The following SLC13A3 variants were observed in gnomAD, a reference collection of about 807,000 sequenced individuals.
The protein encoded by SLC13A3 is solute carrier family 13 member 3, also known as Na(+)/dicarboxylate cotransporter 3.
In SLC13A3, 40 loss-of-function variants were observed where a neutral mutation model predicts 59.0. The ratio of observed to expected loss-of-function variants is 0.68; its 90% CI spans 0.53 to 0.88. The LOEUF (loss-of-function observed/expected upper bound fraction) is 0.88, where lower values mean the gene tolerates loss of function less well. Among genes scored for constraint, SLC13A3 ranks in the 40% least tolerant of loss-of-function variants. SLC13A3 has a pLI of 0.00. For synonymous variants in SLC13A3, 317 were observed against 330.3 expected, an observed-to-expected ratio of 0.96 and a Z score of 0.44; for missense variants, 699 against 783.2, an observed-to-expected ratio of 0.89 and a Z score of 1.28.
chr20:46,584,454 C>T (rs937959586), intron 8 of SLC13A3: 1 of 985,404 alleles, frequency 1.0e-6, no homozygotes, highest in Non-Finnish European at 1.2e-6. Context: ...ATTGTTCTGG[C>T]TCCAAGTTCA....
chr20:46,591,222 G>C (rs1007257685), intron 6 of SLC13A3, among the ~76,000 whole-genome samples: 4 of 151,906 alleles, frequency 2.6e-5, no homozygotes, highest in South Asian at 2.1e-4. Flanking sequence ...CTGTCACGGA[G>C]GCCAGTCACT....
chr20:46,591,440 C>T (rs1300826068), intron 6 of SLC13A3, among the ~76,000 whole-genome samples: 2 of 151,976 alleles, frequency 1.3e-5, no homozygotes, highest in East Asian at 3.9e-4. Context: ...ATTAAGGTAG[C>T]CATATTAAAA....
In SLC13A3 at chr20:46,589,162, G is replaced by T; in HGVS notation, c.1014C>A (p.Ile338=). 1 of 1,613,390 alleles carries T rather than the reference G, an allele frequency of 6.2e-7. No individual in the cohort carries two copies. Reference sequence around the variant, plus strand: ...TTAACCCAAGGGCCCCCACATACTTGATGGGCCCCAGGTTCTGGTATTCTT... The same window carrying T: ...TTAACCCAAGGGCCCCCACATACTTTATGGGCCCCAGGTTCTGGTATTCTT... ...IREEYQNLGP[I]KFAEQAVFIL... The change falls in exon 7 of 13, where the codon ATC becomes ATA. Residue 338 remains isoleucine, a splice_region_variant and synonymous_variant. Coordinates refer to ENST00000279027, the MANE Select transcript of SLC13A3 (RefSeq NM_022829.6).
chr20:46,587,097 G>A (rs1399908459), intron 8 of SLC13A3, among the ~76,000 whole-genome samples: 4 of 152,048 alleles, frequency 2.6e-5, no homozygotes, highest in African/African-American at 9.7e-5. Flanking sequence ...AAAAAGACAC[G>A]GGCCATCTAG....
chr20:46,563,626 G>GAGAGAGAA (rs2146076726), intron 11 of SLC13A3, 75 bp from the exon 12 acceptor site: 1 of 1,490,308 alleles, frequency 6.7e-7, no homozygotes, highest in African/African-American at 1.4e-5. Context: ...GAGAGAGAGA[G>GAGAGAGAA]AGAGAGGCAG....
At chr20:46,623,189 C>G (rs912825338) in intron 1 of SLC13A3, among the ~76,000 whole-genome samples, 1 of 152,198 alleles carries the variant, frequency 6.6e-6, no homozygotes, top group Non-Finnish European at 1.5e-5. Context: ...TGGTTGAGAA[C>G]AGTGACATGC....
intron 3 of SLC13A3, among the ~76,000 whole-genome samples, chr20:46,609,888 G>A (rs547596366): frequency 1.3e-5 from 2 of 152,166 alleles, no homozygotes; most frequent in East Asian, 1.9e-4. Context: ...TTGGTGTCTG[G>A]GAGCAAAACT....
At chr20:46,665,915 T>A (rs1206706115) in intron 1 of SLC13A3, among the ~76,000 whole-genome samples, 1 of 152,234 alleles carries the variant, frequency 6.6e-6, no homozygotes, top group Non-Finnish European at 1.5e-5. Flanking sequence ...ATTATTTACC[T>A]TTTTTATGAT....
chr20:46,667,378 T>C (rs1305566307), intron 1 of SLC13A3, among the ~76,000 whole-genome samples: 1 of 152,156 alleles, frequency 6.6e-6, no homozygotes, highest in Non-Finnish European at 1.5e-5. Flanking sequence ...AGGGCATATT[T>C]TACCGGTGGG....
chr20:46,597,125 T>A (rs2062320683), intron 4 of SLC13A3, among the ~76,000 whole-genome samples: 1 of 152,178 alleles, frequency 6.6e-6, no homozygotes, highest in Non-Finnish European at 1.5e-5. Flanking sequence ...ATATTTAAAG[T>A]CTAGAAATAT....
intron 1 of SLC13A3, among the ~76,000 whole-genome samples, chr20:46,617,862 A>G (rs1243728833): frequency 6.6e-6 from 1 of 152,170 alleles, no homozygotes; most frequent in East Asian, 1.9e-4. Flanking sequence ...TTAAAAATAT[A>G]CAATTACTTT....
intron 1 of SLC13A3, among the ~76,000 whole-genome samples, chr20:46,676,448 T>C (rs2063126223): frequency 6.8e-6 from 1 of 146,390 alleles, no homozygotes; most frequent in Admixed American, 6.9e-5. Flanking sequence ...AGAGACAAGG[T>C]TTCACCGTGT....
chr20:46,662,037 C>T (rs2063033689), intron 1 of SLC13A3, among the ~76,000 whole-genome samples: 1 of 152,174 alleles, frequency 6.6e-6, no homozygotes, highest in Non-Finnish European at 1.5e-5. Context: ...TACACAGAAG[C>T]TCTCATGTTA....
In SLC13A3 at chr20:46,584,265, CT is replaced by C. The variant is rs578189645; in HGVS notation, c.1122-597del. 352 of 985,480 alleles carry C rather than the reference CT, an allele frequency of 3.6e-4. 3 individuals carry two copies. In the Admixed American group the frequency reaches 0.02, roughly 56 times the overall value. 61.0% of individuals were successfully genotyped at this position (985,480 alleles called of 1,614,324 possible). On this transcript the variant is annotated intron_variant, in intron 8 of 12. Transcript: ENST00000279027. ...TCAGAGGGTCAAAGAGCAGAAACAA[CT>C]TGTTCAAGGGCAGACCCTGAGCAAG... is the stretch of plus-strand genomic sequence containing the variant.
At chr20:46,645,128 C>T (rs2062882075) in intron 1 of SLC13A3, among the ~76,000 whole-genome samples, 1 of 152,168 alleles carries the variant, frequency 6.6e-6, no homozygotes, top group African/African-American at 2.4e-5. Context: ...TTCCTCAGCT[C>T]ACAGCCCCAC....
At chr20:46,606,082 G>A (rs931093040) in intron 3 of SLC13A3, among the ~76,000 whole-genome samples, 4 of 152,308 alleles carry the variant, frequency 2.6e-5, no homozygotes, top group Middle Eastern at 6.8e-3. Context: ...TGTCTTAGGT[G>A]CACAAGACTG....
chr20:46,585,207 A>T (rs2062178780), intron 8 of SLC13A3: 2 of 981,556 alleles, frequency 2.0e-6, no homozygotes, highest in South Asian at 9.4e-5. Context: ...ATTATATTTT[A>T]CAGTCTTTTG....
At chr20:46,681,378 G>A (rs1380239255) in intron 1 of SLC13A3, among the ~76,000 whole-genome samples, 1 of 151,998 alleles carries the variant, frequency 6.6e-6, no homozygotes. Flanking sequence ...AGAGGGGCAT[G>A]GACTTGGGAA....
chr20:46,645,719 C>T (rs189712101), intron 1 of SLC13A3, among the ~76,000 whole-genome samples: 3 of 152,218 alleles, frequency 2.0e-5, no homozygotes, highest in Admixed American at 1.3e-4. Context: ...GAGGGCAGAT[C>T]GCAGGCCCAT....
Sources: gnomAD v4.1 joint callset for allele counts (sites outside exome capture counted in the v4.1 genomes callset) on GRCh38, gnomAD v4.1.1 for gene constraint, MANE v1.5 for transcripts, NCBI Gene and HGNC (gene_info 2026-07-23, HGNC 2026-07-21) for gene names.